Variants in DCDC2C observed in about 807,000 individuals in gnomAD.
The protein encoded by DCDC2C is doublecortin domain-containing protein 2C.
In DCDC2C, 44 loss-of-function variants were observed where a neutral mutation model predicts 45.0. The ratio of observed to expected loss-of-function variants is 0.98; its 90% CI spans 0.77 to 1.26. The LOEUF (loss-of-function observed/expected upper bound fraction) is 1.26. Ranked by LOEUF, DCDC2C falls within the 50% of genes most tolerant of loss-of-function variation. The pLI, the probability that DCDC2C is intolerant of heterozygous loss-of-function variation, is 0.00. For synonymous variants in DCDC2C, 187 were observed against 178.8 expected (o/e 1.05, Z -0.37); for missense variants, 447 against 468.9 (o/e 0.95, Z 0.43).
chr2:3,781,939 G>A (rs1670520210), intron 9 of DCDC2C, among the ~76,000 whole-genome samples: 1 of 152,124 alleles, frequency 6.6e-6, no homozygotes, highest in Non-Finnish European at 1.5e-5. Context: ...TTATTTTTGT[G>A]GTAGAATACA....
intron 9 of DCDC2C, among the ~76,000 whole-genome samples, chr2:3,784,615 C>A (rs1420824779): frequency 1.3e-5 from 2 of 151,448 alleles, no homozygotes; most frequent in Non-Finnish European, 2.9e-5. Flanking sequence ...TTAATAGAAA[C>A]AAATGCAGTG....
chr2:3,776,364 C>G (rs370675329), intron 8 of DCDC2C, among the ~76,000 whole-genome samples: 174 of 152,270 alleles, frequency 1.1e-3, no homozygotes, highest in African/African-American at 4.1e-3. Flanking sequence ...ATCTTCTCCC[C>G]TCTTCTTTAT....
In DCDC2C at chr2:3,742,063, G is replaced by T; in HGVS notation, c.545+15G>T. Reference sequence around the variant, plus strand: ...GGCGTTCGGAAGTAAGGAGACTCTCGCCTTTAGGACAGCCAGGGGGCGGCA... The same window carrying T: ...GGCGTTCGGAAGTAAGGAGACTCTCTCCTTTAGGACAGCCAGGGGGCGGCA... On this transcript the variant is annotated intron_variant, in intron 4 of 10. Coordinates refer to ENST00000399143, the MANE Select transcript of DCDC2C (RefSeq NM_001287444.2). 6.6e-7 allele frequency: 1 copy of T among 1,524,102 alleles called. No homozygotes were observed. The highest frequency in any genetic ancestry group is 1.3e-5 in the South Asian group (1 of 77,716). 94.4% of individuals were successfully genotyped at this position (1,524,102 alleles called of 1,614,324 possible).
At chr2:3,797,346 G>A (rs996713259) in intron 10 of DCDC2C, among the ~76,000 whole-genome samples, 11 of 126,770 alleles carry the variant, frequency 8.7e-5, no homozygotes, top group Admixed American at 8.3e-4. Flanking sequence ...ATTTTTTGAA[G>A]GGTTTTTTGT....
At chr2:3,732,987 A>G (rs953782780) in intron 3 of DCDC2C, among the ~76,000 whole-genome samples, 1 of 152,192 alleles carries the variant, frequency 6.6e-6, no homozygotes, top group Non-Finnish European at 1.5e-5. Flanking sequence ...TAATTTTGCT[A>G]GTGAAATGTG....
intron 3 of DCDC2C, among the ~76,000 whole-genome samples, chr2:3,736,392 G>A (rs1240562997): frequency 1.3e-5 from 2 of 152,242 alleles, no homozygotes; most frequent in African/African-American, 4.8e-5. Context: ...CGGAGCAGGA[G>A]ATGAGGAGGT....
rs1671321993 is a variant in DCDC2C at position 3,808,882 on chromosome 2, T to G, written c.1065+23782T>G. Among the ~76,000 whole-genome samples, 2 of 152,246 alleles carry G rather than the reference T, an allele frequency of 1.3e-5. 1 individual carries two copies. The highest frequency in any genetic ancestry group is 4.1e-4 in the South Asian group (2 of 4,836). On this transcript the variant is annotated intron_variant, in intron 10 of 10. Transcript: ENST00000399143. Reference sequence around the variant, plus strand: ...TATTTTGGAAGTTTGGTTTTATGTTTTACATTTATGTCCAGGACCCATTTT... The same window carrying G: ...TATTTTGGAAGTTTGGTTTTATGTTGTACATTTATGTCCAGGACCCATTTT...
intron 4 of DCDC2C, among the ~76,000 whole-genome samples, chr2:3,749,981 A>G (rs1464283536): frequency 6.6e-6 from 1 of 151,990 alleles, no homozygotes; most frequent in Non-Finnish European, 1.5e-5. Context: ...CCAGCTGCTG[A>G]CAGCTCATTT....
intron 10 of DCDC2C, among the ~76,000 whole-genome samples, chr2:3,785,878 G>A (rs564082818): frequency 7.9e-5 from 12 of 152,268 alleles, no homozygotes. Flanking sequence ...ACTTGAATCA[G>A]CTCTGCCTGG....
At chr2:3,785,210 AC>A in intron 10 of DCDC2C, 110 bp downstream of exon 10, 2 of 766,562 alleles carry the variant, frequency 2.6e-6, no homozygotes, top group Non-Finnish European at 3.6e-6. Context: ...TAGGAATGTA[AC>A]TTTTATGCCT....
chr2:3,723,222 G>C (rs1022621883), intron 2 of DCDC2C, among the ~76,000 whole-genome samples: 2 of 152,158 alleles, frequency 1.3e-5, no homozygotes, highest in Non-Finnish European at 2.9e-5. Context: ...GGTTGAACAC[G>C]ACAACCAGGG....
rs554482357 is a variant in DCDC2C at position 3,797,075 on chromosome 2, A to G, written c.1065+11975A>G. 8.2e-3 allele frequency among the ~76,000 whole-genome samples: 1,253 copies of G among 152,232 alleles called. 13 individuals carry two copies. Among genetic ancestry groups the G allele is most frequent in the African/African-American group, 0.028 (1,163 of 41,560 alleles). On this transcript the variant is annotated intron_variant, in intron 10 of 10. Transcript: ENST00000399143. ...TGTTATTGGTCTATTCAGAGATTCA[A>G]CTTCTTCCTGGTTTAGTCTTGGGAG... is the stretch of plus-strand genomic sequence containing the variant.
chr2:3,797,167 G>A (rs1670980679), intron 10 of DCDC2C, among the ~76,000 whole-genome samples: 1 of 152,178 alleles, frequency 6.6e-6, no homozygotes, highest in Non-Finnish European at 1.5e-5. Context: ...AGAGTTGTTT[G>A]TAGTATTCTC....
intron 10 of DCDC2C, among the ~76,000 whole-genome samples, chr2:3,796,850 C>T (rs1227295340): frequency 1.3e-5 from 2 of 151,694 alleles, no homozygotes; most frequent in Non-Finnish European, 2.9e-5. Context: ...TGTGTCTCTG[C>T]CCGGCTTTGG....
At chr2:3,713,487 C>T (rs1668273196) in intron 2 of DCDC2C, among the ~76,000 whole-genome samples, 2 of 152,260 alleles carry the variant, frequency 1.3e-5, no homozygotes, top group East Asian at 3.9e-4. Flanking sequence ...CAGCTGCATC[C>T]CGGGTGCCCA....
At chr2:3,729,347 T>C (rs1174365423) in intron 3 of DCDC2C, among the ~76,000 whole-genome samples, 5 of 152,206 alleles carry the variant, frequency 3.3e-5, no homozygotes, top group Admixed American at 6.5e-5. Flanking sequence ...CTGGCCCTCA[T>C]TGCGAGACTG....
chr2:3,704,035 T>C lies in DCDC2C; in HGVS notation c.284T>C (p.Leu95Pro). 3 of 1,264,350 alleles carry C rather than the reference T, an allele frequency of 2.4e-6. No individual in the cohort carries two copies. The highest frequency in any genetic ancestry group is 3.0e-6 in the Non-Finnish European group (3 of 1,004,124). The allele number at this position is 1,264,350 out of a possible 1,614,324, so 78.3% of individuals were successfully genotyped here. ...VAAGRERFKE[L>P]DYIHIVPRKP... ...GCGGGCCGCGAGCGCTTCAAGGAGC[T>C]CGAGTAAGTGCGCCCGCGCCCCCCA... Residue 95 changes from leucine to proline, a missense_variant, in exon 1 of 11, where the codon CTC (leucine) becomes CCC (proline). By Grantham distance (98) the Leu-to-Pro change is moderately conservative. Coordinates refer to ENST00000399143, the MANE Select transcript of DCDC2C (RefSeq NM_001287444.2).
At chr2:3,842,697 T>C (rs1672245628) in intron 10 of DCDC2C, among the ~76,000 whole-genome samples, 1 of 151,986 alleles carries the variant, frequency 6.6e-6, no homozygotes, top group African/African-American at 2.4e-5. Context: ...AAATCCTTAT[T>C]TCTTGATCAC....
intron 10 of DCDC2C, among the ~76,000 whole-genome samples, chr2:3,821,768 G>A (rs1287079137): frequency 6.6e-6 from 1 of 152,208 alleles, no homozygotes; most frequent in Non-Finnish European, 1.5e-5. Context: ...TATCCAAGGA[G>A]GCCTGGTTCC....
Sources: allele counts gnomAD v4.1 joint callset (sites outside exome capture counted in the v4.1 genomes callset), GRCh38; gene constraint gnomAD v4.1.1; transcripts MANE v1.5; gene names NCBI Gene and HGNC (gene_info 2026-07-23, HGNC 2026-07-21).